The following ERI1 variants were observed in gnomAD, a reference collection of about 807,000 sequenced individuals.
The protein encoded by ERI1 is exoribonuclease 1.
A neutral mutation model predicts 39.7 loss-of-function variants in ERI1; 39 were observed. The ratio of observed to expected loss-of-function variants is 0.98; its 90% confidence interval spans 0.76 to 1.28. The LOEUF is 1.28. ERI1 is among the 50% of genes most tolerant of loss of function. ERI1 has a pLI of 0.00. For missense variants in ERI1, 581 were observed against 416.9 expected (o/e 1.39, Z -3.43); for synonymous variants, 204 against 149.6 (o/e 1.36, Z -2.65).
At chr8:9,083,181 G>C (rs1009158415) in intron 3 of ERI1, among the ~76,000 whole-genome samples, 1 of 152,170 alleles carries the variant, frequency 6.6e-6, no homozygotes, top group Non-Finnish European at 1.5e-5. Context: ...CTGTGCATTT[G>C]TCAGGGGGAA....
intron 6 of ERI1, among the ~76,000 whole-genome samples, chr8:9,025,820 G>A (rs1446193610): frequency 6.6e-6 from 1 of 151,436 alleles, no homozygotes; most frequent in Non-Finnish European, 1.5e-5. Flanking sequence ...TTCAGATTTT[G>A]GAATATTTGC....
At chr8:9,034,389 T>C (rs924525594), downstream of ERI1, among the ~76,000 whole-genome samples, 43 of 152,380 alleles carry the variant, frequency 2.8e-4, no homozygotes, top group African/African-American at 8.7e-4. Flanking sequence ...AAAGTTTGTG[T>C]GAATCCTGTG....
At chr8:9,036,157 A>AT (rs1404012371), downstream of ERI1, among the ~76,000 whole-genome samples, 1 of 152,274 alleles carries the variant, frequency 6.6e-6, no homozygotes, top group Admixed American at 6.5e-5. Context: ...AGGATTTAGA[A>AT]TATTACATAA....
At chr8:9,070,142 G>C (rs1242349943) in intron 3 of ERI1, among the ~76,000 whole-genome samples, 1 of 152,046 alleles carries the variant, frequency 6.6e-6, no homozygotes, top group Non-Finnish European at 1.5e-5. Flanking sequence ...TGGAGGCTGA[G>C]GCAGGAGAAT....
chr8:9,016,176 T>G, intron 3 of ERI1, 146 bp from the exon 4 acceptor site: 4 of 425,098 alleles, frequency 9.4e-6, no homozygotes, highest in Admixed American at 3.7e-5. Context: ...GTGCTTTCGA[T>G]GTGGGGAATT....
At chr8:9,048,916 G>T (rs1798262369) in intron 3 of ERI1, among the ~76,000 whole-genome samples, 1 of 152,044 alleles carries the variant, frequency 6.6e-6, no homozygotes, top group Non-Finnish European at 1.5e-5. Context: ...AAAGTGCTGG[G>T]ATTACAGGCG....
At chr8:9,011,809 C>A in intron 3 of ERI1, 57 bp downstream of exon 3, 1 of 1,348,730 alleles carries the variant, frequency 7.4e-7, no homozygotes, top group Non-Finnish European at 1.0e-6. Context: ...CTGGTGTTTA[C>A]TGGTTATGTG....
downstream of ERI1, among the ~76,000 whole-genome samples, chr8:9,037,233 A>G (rs1304153049): frequency 6.6e-6 from 1 of 152,076 alleles, no homozygotes; most frequent in Non-Finnish European, 1.5e-5. Context: ...TACAGTAACC[A>G]TCTGCTCTAG....
intron 3 of ERI1, among the ~76,000 whole-genome samples, chr8:9,098,291 G>A (rs1296073618): frequency 6.6e-6 from 1 of 152,124 alleles, no homozygotes; most frequent in Admixed American, 6.5e-5. Context: ...AGGCTGAGGC[G>A]GGTGGATCAC....
chr8:9,081,615 T>G (rs7009724), intron 3 of ERI1, among the ~76,000 whole-genome samples: 80,278 of 151,486 alleles, frequency 0.53, 22,815 homozygotes, highest in African/African-American at 0.69. Flanking sequence ...CTCAGAATTC[T>G]TGTCTTCCCT....
rs1194716390 is a variant in ERI1, at chr8:9,030,173, T to A, written c.*139T>A. 3 of 1,134,436 alleles carry A rather than the reference T, an allele frequency of 2.6e-6. No homozygotes were observed. Among genetic ancestry groups the A allele is most frequent in the Non-Finnish European group, 1.2e-6 (1 of 817,608 alleles). The allele number at this position is 1,134,436 out of a possible 1,614,324, so 70.3% of individuals were successfully genotyped here. On this transcript the variant is annotated 3_prime_UTR_variant, in exon 7 of 7. Coordinates refer to ENST00000250263, the MANE Select transcript of ERI1 (RefSeq NM_153332.4). ...TCTTATTACAGGTGATAGAGATAGA[T>A]ACATGTATGTGAACAGATTTTGTAG... is the stretch of plus-strand genomic sequence containing the variant.
At chr8:9,025,244 C>G (rs1220938422) in intron 6 of ERI1, among the ~76,000 whole-genome samples, 1 of 152,302 alleles carries the variant, frequency 6.6e-6, no homozygotes, top group East Asian at 1.9e-4. Flanking sequence ...TTGAGACTTT[C>G]CAATAGCTTT....
chr8:9,098,286 G>T (rs1186742611), intron 3 of ERI1, among the ~76,000 whole-genome samples: 1 of 152,224 alleles, frequency 6.6e-6, no homozygotes, highest in Non-Finnish European at 1.5e-5. Flanking sequence ...TTGGGAGGCT[G>T]AGGCGGGTGG....
Position 9,020,371 on chromosome 8 carries a change from C to T in ERI1, c.714C>T (p.Phe238=), listed in dbSNP as rs776233381. ...ATAGTTCTTGGGATATGAGTAAGTT[C>T]TTGAACATTCAGTGTCAACTCAGCA... ...LTDGSWDMSK[F]LNIQCQLSRL... Residue 238 remains phenylalanine, a synonymous_variant, in exon 6 of 7, where the codon TTC becomes TTT. Transcript: ENST00000250263. 2 of 1,592,936 alleles carry T rather than the reference C, an allele frequency of 1.3e-6. No homozygotes were observed. The highest frequency in any genetic ancestry group is 3.6e-5 in the Admixed American group (2 of 56,098).
At chr8:9,029,188 A>G (rs1389848386) in intron 6 of ERI1, among the ~76,000 whole-genome samples, 1 of 152,186 alleles carries the variant, frequency 6.6e-6, no homozygotes, top group Admixed American at 6.5e-5. Flanking sequence ...ATAAAAAGGT[A>G]GATCTTCAAC....
chr8:9,029,003 A>G (rs1255551694), intron 6 of ERI1, among the ~76,000 whole-genome samples: 4 of 125,058 alleles, frequency 3.2e-5, no homozygotes, highest in African/African-American at 9.3e-5. Flanking sequence ...TTTTTAACTT[A>G]TCAAGGAACA....
chr8:9,075,545 G>C (rs564777835), intron 3 of ERI1, among the ~76,000 whole-genome samples: 12 of 150,512 alleles, frequency 8.0e-5, no homozygotes, highest in Non-Finnish European at 1.8e-4. Context: ...ACATGGAATA[G>C]CACTGACCCT....
intron 3 of ERI1, among the ~76,000 whole-genome samples, chr8:9,062,266 GTATCT>G (rs1401137207): frequency 6.6e-6 from 1 of 151,904 alleles, no homozygotes. Context: ...GGGAGTAGAG[GTATCT>G]TATACTTGTG....
chr8:9,005,133 C>G (rs1815846290), intron 1 of ERI1, among the ~76,000 whole-genome samples: 1 of 152,114 alleles, frequency 6.6e-6, no homozygotes, highest in Admixed American at 6.6e-5. Flanking sequence ...CAGATTTCAT[C>G]AGAACTCTCC....
Sources: gnomAD v4.1 joint callset for allele counts (sites outside exome capture counted in the v4.1 genomes callset) on GRCh38, gnomAD v4.1.1 for gene constraint, MANE v1.5 for transcripts, NCBI Gene and HGNC (gene_info 2026-07-23, HGNC 2026-07-21) for gene names.